Variants in CHST8 observed in about 807,000 individuals in gnomAD.
CHST8 encodes carbohydrate sulfotransferase 8.
Under a neutral mutation model 15.0 loss-of-function variants are expected in CHST8, and 10 were observed. The ratio of observed to expected loss-of-function variants is 0.67; its 90% CI spans 0.41 to 1.13. The LOEUF (loss-of-function observed/expected upper bound fraction) is 1.13, where lower values mean the gene tolerates loss of function less well. Ranked by LOEUF, CHST8 falls within the 50% of genes most tolerant of loss-of-function variation. CHST8 has a pLI of 0.00. For synonymous variants in CHST8, 259 were observed against 256.6 expected (o/e 1.01, Z -0.09); for missense variants, 634 against 608.2 (o/e 1.04, Z -0.45).
rs191450559 is a variant in CHST8 at position 33,706,909 on chromosome 19, C to T, written c.130+17518C>T. On this transcript the variant is annotated intron_variant, in intron 3 of 4. Coordinates refer to ENST00000650847, the MANE Select transcript of CHST8 (RefSeq NM_001127895.2). The stretch of plus-strand genomic sequence containing the variant: ...CCATGATTGTGGGAGGACCACAGGC[C>T]GGGAGGAGGTGTGTTATTCCTGCCA... 6.4e-4 allele frequency among the ~76,000 whole-genome samples: 98 copies of T among 152,114 alleles called. 1 individual carries two copies. Among genetic ancestry groups the T allele is most frequent in the African/African-American group, 1.4e-3 (60 of 41,472 alleles).
At chr19:33,684,985 G>A (rs1259672885) in intron 2 of CHST8, 2 of 152,256 alleles carry the variant, frequency 1.3e-5, no homozygotes, top group East Asian at 3.9e-4. Flanking sequence ...GGTGCAAGGA[G>A]ACCCACCGGA....
At chr19:33,744,054 G>C (rs1361464916) in intron 3 of CHST8, among the ~76,000 whole-genome samples, 1 of 152,158 alleles carries the variant, frequency 6.6e-6, no homozygotes, top group African/African-American at 2.4e-5. Flanking sequence ...GCCTCCCAAA[G>C]TGCTGGGATT....
intron 3 of CHST8, among the ~76,000 whole-genome samples, chr19:33,747,358 C>T (rs1165587347): frequency 1.3e-5 from 2 of 152,258 alleles, no homozygotes; most frequent in Non-Finnish European, 2.9e-5. Context: ...TTCTGGAAGG[C>T]GACACCTTCC....
intron 2 of CHST8, among the ~76,000 whole-genome samples, chr19:33,668,972 G>A (rs566938625): frequency 2.0e-5 from 3 of 152,146 alleles, no homozygotes; most frequent in Admixed American, 6.5e-5. Flanking sequence ...AAATGGGTCC[G>A]TGAGCCTCGG....
At chr19:33,721,119 C>T (rs1973781423) in intron 3 of CHST8, among the ~76,000 whole-genome samples, 2 of 152,190 alleles carry the variant, frequency 1.3e-5, no homozygotes, top group African/African-American at 4.8e-5. Flanking sequence ...CATTGGGAGG[C>T]AACTGGACCC....
intron 3 of CHST8, among the ~76,000 whole-genome samples, chr19:33,743,673 T>C (rs1215143584): frequency 6.6e-6 from 1 of 152,232 alleles, no homozygotes; most frequent in Non-Finnish European, 1.5e-5. Context: ...GAGAGCCATC[T>C]AGCAGCATGT....
chr19:33,689,480 T>C (rs1973055802), intron 3 of CHST8, 89 bp downstream of exon 3: 1 of 1,395,588 alleles, frequency 7.2e-7, no homozygotes, highest in Non-Finnish European at 9.4e-7. Flanking sequence ...TGTGCTGGGC[T>C]TGGGGGAAAG....
At chr19:33,650,299 T>A (rs117365831) in intron 1 of CHST8, among the ~76,000 whole-genome samples, 1 of 152,096 alleles carries the variant, frequency 6.6e-6, no homozygotes, top group Admixed American at 6.5e-5. Flanking sequence ...GTTTATTCAG[T>A]TGGGGGACTT....
At chr19:33,744,855 TCTC>T (rs1230748500) in intron 3 of CHST8, among the ~76,000 whole-genome samples, 1 of 152,026 alleles carries the variant, frequency 6.6e-6, no homozygotes, top group African/African-American at 2.4e-5. Context: ...TTCAAGCAAT[TCTC>T]CTGCCTCAGC....
intron 1 of CHST8, among the ~76,000 whole-genome samples, chr19:33,625,649 G>A (rs1972043132): frequency 6.6e-6 from 1 of 152,036 alleles, no homozygotes; most frequent in Non-Finnish European, 1.5e-5. Context: ...ATCACTTGAG[G>A]TCAGGAGTTT....
intron 3 of CHST8, among the ~76,000 whole-genome samples, chr19:33,705,013 A>G (rs1973419874): frequency 6.6e-6 from 1 of 152,052 alleles, no homozygotes; most frequent in Admixed American, 6.6e-5. Flanking sequence ...AACGTTAGAT[A>G]ATAGGTGATG....
At position 33,695,977 on chromosome 19, in the gene CHST8, C is replaced by T. The variant is rs575962039; in HGVS notation, c.130+6586C>T. Among the ~76,000 whole-genome samples the T allele has an allele frequency of 2.0e-5, 3 of 151,928 alleles. No homozygotes were observed. In the South Asian group the frequency reaches 6.2e-4, roughly 32 times the overall value. On this transcript the variant is annotated intron_variant, in intron 3 of 4. Coordinates refer to ENST00000650847, the MANE Select transcript of CHST8 (RefSeq NM_001127895.2). Reference sequence around the variant, plus strand: ...AGTAGCTGGGATTACAGGTGCCCACCACCACACCTGGCTAATTTGTGTATT... The same window carrying T: ...AGTAGCTGGGATTACAGGTGCCCACTACCACACCTGGCTAATTTGTGTATT...
intron 3 of CHST8, among the ~76,000 whole-genome samples, chr19:33,721,253 A>C (rs551371272): frequency 1.3e-5 from 2 of 152,308 alleles, no homozygotes; most frequent in African/African-American, 4.8e-5. Context: ...TGACACCAGA[A>C]GATGGAGCCC....
intron 2 of CHST8, 83 bp from the exon 3 acceptor site, chr19:33,689,093 C>T: frequency 1.5e-6 from 1 of 663,712 alleles, no homozygotes; most frequent in South Asian, 3.4e-5. Flanking sequence ...GGGGATTGCA[C>T]TTGGATTGCT....
chr19:33,744,965 T>A (rs1974284490), intron 3 of CHST8, among the ~76,000 whole-genome samples: 1 of 152,138 alleles, frequency 6.6e-6, no homozygotes, highest in Non-Finnish European at 1.5e-5. Context: ...GCCAGGGTGG[T>A]CTCGAACTCC....
intron 3 of CHST8, among the ~76,000 whole-genome samples, chr19:33,700,439 C>T (rs114265626): frequency 6.6e-6 from 1 of 152,368 alleles, no homozygotes; most frequent in African/African-American, 2.4e-5. Context: ...CCAAGGCTGG[C>T]AAGGGCCACC....
chr19:33,707,336 G>A (rs1000370869), intron 3 of CHST8, among the ~76,000 whole-genome samples: 5 of 152,088 alleles, frequency 3.3e-5, no homozygotes, highest in African/African-American at 1.2e-4. Flanking sequence ...TTACACGCAT[G>A]AGCCACCTAG....
intron 3 of CHST8, among the ~76,000 whole-genome samples, chr19:33,703,439 G>A (rs867765494): frequency 1.3e-5 from 2 of 152,394 alleles, no homozygotes; most frequent in South Asian, 2.1e-4. Context: ...TGGCCACTGC[G>A]TAGGTCTTGG....
At chr19:33,770,205 C>T (rs1488468966) in intron 3 of CHST8, among the ~76,000 whole-genome samples, 2 of 152,208 alleles carry the variant, frequency 1.3e-5, no homozygotes, top group Non-Finnish European at 2.9e-5. Context: ...TGCCACTGGA[C>T]CTCTGCCCAG....
Sources: allele counts gnomAD v4.1 joint callset (sites outside exome capture counted in the v4.1 genomes callset), GRCh38; gene constraint gnomAD v4.1.1; transcripts MANE v1.5; gene names NCBI Gene and HGNC (gene_info 2026-07-23, HGNC 2026-07-21).